AOPEP: variants seen among roughly 807,000 people sequenced by gnomAD.
The protein encoded by AOPEP is aminopeptidase O (putative).
Under a neutral mutation model 98.1 loss-of-function variants are expected in AOPEP, and 77 were observed. That is an observed-to-expected ratio of 0.78 (90% confidence interval 0.65 to 0.95). The LOEUF is 0.95. Among genes scored for constraint, AOPEP ranks in the 40% least tolerant of loss-of-function variants. AOPEP has a pLI of 0.00. For synonymous variants in AOPEP, 346 were observed against 365.3 expected, an observed-to-expected ratio of 0.95 and a Z score of 0.60; for missense variants, 1,024 against 1,024.7, an observed-to-expected ratio of 1.00 and a Z score of 0.01.
chr9:95,040,219 G>C (rs913442770), intron 13 of AOPEP, among the ~76,000 whole-genome samples: 3 of 152,242 alleles, frequency 2.0e-5, no homozygotes, highest in African/African-American at 7.2e-5. Context: ...TTTGTCCATT[G>C]ACAGGAACAG....
intron 14 of AOPEP, among the ~76,000 whole-genome samples, chr9:95,078,082 T>C (rs982689823): frequency 9.2e-5 from 14 of 152,300 alleles, no homozygotes; most frequent in African/African-American, 3.4e-4. Context: ...GGGCTTGGTC[T>C]GTCCTTCCTG....
At chr9:94,856,787 A>G (rs891822449) in intron 5 of AOPEP, among the ~76,000 whole-genome samples, 1 of 152,232 alleles carries the variant, frequency 6.6e-6, no homozygotes, top group African/African-American at 2.4e-5. Context: ...TTGGCCTATA[A>G]GAAATAAAAG....
At chr9:95,032,399 G>A (rs1356112219) in intron 13 of AOPEP, among the ~76,000 whole-genome samples, 1 of 152,268 alleles carries the variant, frequency 6.6e-6, no homozygotes, top group African/African-American at 2.4e-5. Flanking sequence ...TGCAGCATTG[G>A]TTTTCAAGTG....
rs143340841 is a variant in AOPEP, at chr9:94,823,053, A to G, written c.1364+22051A>G. On this transcript the variant is annotated intron_variant, in intron 5 of 16. Coordinates refer to ENST00000375315, the MANE Select transcript of AOPEP (RefSeq NM_001193329.3). Reference sequence around the variant, plus strand: ...CTCTTGTTGCCCAGGCTGGAGTGCAATGGCGCAATCTCGGCTCATCGCAAC... The same window carrying G: ...CTCTTGTTGCCCAGGCTGGAGTGCAGTGGCGCAATCTCGGCTCATCGCAAC... 2.2e-4 allele frequency among the ~76,000 whole-genome samples: 34 copies of G among 151,732 alleles called. No individual in the cohort carries two copies. The East Asian group carries it at 5.6e-3, about 25-fold the overall frequency.
Position 94,773,131 on chromosome 9 carries a change from T to C in AOPEP, c.927T>C (p.Ser309=). The change falls in exon 3 of 17, where the codon AGT becomes AGC. Residue 309 remains serine (S), a synonymous_variant. Coordinates refer to ENST00000375315, the MANE Select transcript of AOPEP (RefSeq NM_001193329.3). The part of the protein sequence containing the change: ...RAAASFVVLM[S]GENSAKPTQL... ...CTGCATCTTTTGTTGTTTTAATGAG[T>C]GGGGAAAATTCTGCCAAACCAACGC... The C allele has an allele frequency of 6.2e-7, 1 of 1,613,848 alleles. No homozygotes were observed. Among genetic ancestry groups the C allele is most frequent in the Non-Finnish European group, 8.5e-7 (1 of 1,179,938 alleles).
At chr9:94,741,489 T>G (rs1468050588) in intron 1 of AOPEP, among the ~76,000 whole-genome samples, 3 of 152,040 alleles carry the variant, frequency 2.0e-5, no homozygotes, top group Admixed American at 6.6e-5. Flanking sequence ...GCCAGGATGG[T>G]CTCCATCTCC....
chr9:94,906,528 A>G (rs2051177700), intron 5 of AOPEP, among the ~76,000 whole-genome samples: 1 of 150,766 alleles, frequency 6.6e-6, no homozygotes, highest in African/African-American at 2.4e-5. Flanking sequence ...TAATAAAATT[A>G]ACCAGGTCTC....
At chr9:95,028,683 A>T (rs1168079861) in intron 13 of AOPEP, among the ~76,000 whole-genome samples, 1 of 152,190 alleles carries the variant, frequency 6.6e-6, no homozygotes, top group African/African-American at 2.4e-5. Context: ...CAGCTGCTTC[A>T]GTTTGCATTA....
At chr9:95,059,261 C>G (rs1448258923) in intron 13 of AOPEP, among the ~76,000 whole-genome samples, 2 of 152,210 alleles carry the variant, frequency 1.3e-5, no homozygotes, top group African/African-American at 4.8e-5. Context: ...CTTGTTTCTC[C>G]TGAGAGAATA....
At position 94,972,055 on chromosome 9, in the gene AOPEP, A is replaced by G. The variant is rs2059569777; in HGVS notation, c.1916+4254A>G. Among the ~76,000 whole-genome samples, 1 of 152,200 alleles carries G rather than the reference A, an allele frequency of 6.6e-6. No homozygotes were observed. The highest frequency in any genetic ancestry group is 2.1e-4 in the South Asian group (1 of 4,828). The stretch of plus-strand genomic sequence containing the variant: ...GAGAGGACTGGAAGCCAGGAAAACA[A>G]TTAGAAACCAATAGAGCGGTTCAGT... On this transcript the variant is annotated intron_variant, in intron 10 of 16. Transcript: ENST00000375315. This position sits in a 1 kb window ranked among gnomAD's most constrained non-coding sequence, Gnocchi z 4.2.
chr9:95,048,242 A>G (rs1487525522), intron 13 of AOPEP, among the ~76,000 whole-genome samples: 1 of 152,044 alleles, frequency 6.6e-6, no homozygotes, highest in Non-Finnish European at 1.5e-5. Flanking sequence ...CTTAAATACC[A>G]TATGCAAAGA....
At chr9:94,984,846 C>T (rs2060417631) in intron 11 of AOPEP, among the ~76,000 whole-genome samples, 1 of 152,138 alleles carries the variant, frequency 6.6e-6, no homozygotes, top group African/African-American at 2.4e-5. Context: ...TTGTCAAATG[C>T]GGGGTAAAGA....
chr9:94,795,521 C>T (rs1325594114), intron 4 of AOPEP, among the ~76,000 whole-genome samples: 1 of 152,150 alleles, frequency 6.6e-6, no homozygotes. Flanking sequence ...TCATCTAAGG[C>T]CTCAGCATTG....
chr9:95,093,029 G>A, the AOPEP span, among the ~76,000 whole-genome samples: 2 of 152,224 alleles, frequency 1.3e-5, no homozygotes, highest in Admixed American at 6.5e-5. Context: ...GCCGGAGTCC[G>A]TTTCAGTGAT....
intron 5 of AOPEP, among the ~76,000 whole-genome samples, chr9:94,875,289 A>G (rs1180463998): frequency 7.0e-6 from 1 of 143,280 alleles, no homozygotes; most frequent in African/African-American, 2.6e-5. Context: ...TACTGTTTAT[A>G]TGTCTTGTTA....
At chr9:94,825,339 T>C (rs903975430) in intron 5 of AOPEP, among the ~76,000 whole-genome samples, 1 of 152,212 alleles carries the variant, frequency 6.6e-6, no homozygotes. Context: ...GGCTGGGCCC[T>C]TCTCTCCCCT....
Position 94,796,341 on chromosome 9 carries a change from C to G in AOPEP, c.1118+3423C>G, listed in dbSNP as rs139991352. Among the ~76,000 whole-genome samples the G allele has an allele frequency of 3.7e-3, 559 of 152,302 alleles. 2 individuals are homozygous for G. Among genetic ancestry groups the G allele is most frequent in the African/African-American group, 0.013 (542 of 41,562 alleles). On this transcript the variant is annotated intron_variant, in intron 4 of 16. Transcript: ENST00000375315. ...AATCATAGCTTGCATTTGCTTAGTT[C>G]TGCCCTGGCTGTGCACTTCATGTGT... is the stretch of plus-strand genomic sequence containing the variant.
intron 7 of AOPEP, among the ~76,000 whole-genome samples, chr9:94,946,755 C>T (rs776915629): frequency 2.6e-5 from 4 of 152,210 alleles, no homozygotes; most frequent in African/African-American, 7.2e-5. Context: ...GGAGAACGTT[C>T]GCTTTCTTGG....
rs1036013949 is a variant in AOPEP, at chr9:95,068,769, C to T, written c.2232+7959C>T. 3.9e-5 allele frequency among the ~76,000 whole-genome samples: 6 copies of T among 152,162 alleles called. 1 individual carries two copies. In the South Asian group the frequency reaches 6.2e-4, roughly 16 times the overall value. On this transcript the variant is annotated intron_variant, in intron 14 of 16. Transcript: ENST00000375315. ...GTCTCTGGGGTTTATTTTTAAAAGC[C>T]TGTTTCTCTAGCTCTTGAACAGAAG...
Sources: gnomAD v4.1 joint callset for allele counts (sites outside exome capture counted in the v4.1 genomes callset) on GRCh38, gnomAD v4.1.1 for gene constraint, Gnocchi (gnomAD v3.1) non-coding constraint, MANE v1.5 for transcripts, NCBI Gene and HGNC (gene_info 2026-07-23, HGNC 2026-07-21) for gene names.